The following CFAP65 variants were observed in gnomAD, a reference collection of about 807,000 sequenced individuals.
CFAP65 encodes cilia- and flagella-associated protein 65.
In CFAP65, 155 loss-of-function variants were observed where a neutral mutation model predicts 208.0. The ratio of observed to expected loss-of-function variants is 0.75; its 90% CI spans 0.65 to 0.85. The LOEUF (loss-of-function observed/expected upper bound fraction) is 0.85. Ranked by LOEUF, CFAP65 falls within the 40% of genes least tolerant of loss-of-function variation. The pLI is 0.00. For synonymous variants in CFAP65, 970 were observed against 986.3 expected, an observed-to-expected ratio of 0.98 and a Z score of 0.31; for missense variants, 2,294 against 2,451.3, an observed-to-expected ratio of 0.94 and a Z score of 1.36.
intron 27 of CFAP65, 137 bp downstream of exon 27, chr2:219,009,805 A>T (rs1330838452): frequency 1.1e-5 from 2 of 181,860 alleles, no homozygotes; most frequent in Non-Finnish European, 1.5e-5. Context: ...GTGGGATGGG[A>T]TGGAGTGGGG....
Position 219,019,422 on chromosome 2 carries a change from C to G in CFAP65, c.3473+84G>C, listed in dbSNP as rs924417866. On this transcript the variant is annotated intron_variant, in intron 20 of 34. Transcript: ENST00000341552. ...AGAGATGGGAAACAGCTTCCTTGTT[C>G]TGGGAGTCTGGGCAGAAAGCTCCAT... The G allele has an allele frequency of 1.0e-5, 13 of 1,243,604 alleles. No individual in the cohort carries two copies. In the African/African-American group the frequency reaches 1.8e-4, roughly 17 times the overall value. 77.0% of individuals were successfully genotyped at this position (1,243,604 alleles called of 1,614,324 possible). A position where few individuals can be genotyped will look rare whatever the true frequency, so the allele number is the denominator to read the frequency against.
intron 28 of CFAP65, 92 bp from the exon 29 acceptor site, chr2:219,009,246 T>C: frequency 1.4e-6 from 2 of 1,457,912 alleles, no homozygotes; most frequent in Non-Finnish European, 1.9e-6. Flanking sequence ...GGCTGACTTC[T>C]GCCTTTTGCT....
At chr2:219,009,640 A>ATGGGATGGGG (rs1946299532) in intron 27 of CFAP65, among the ~76,000 whole-genome samples, 180 bp from the exon 28 acceptor site, 1 of 89,898 alleles carries the variant, frequency 1.1e-5, no homozygotes, top group African/African-American at 5.1e-5. Flanking sequence ...ATGGGATGGG[A>ATGGGATGGGG]TGGGATGGGA....
At chr2:219,039,130 G>A (rs1948536597) in intron 2 of CFAP65, 80 bp from the exon 3 acceptor site, 5 of 1,222,500 alleles carry the variant, frequency 4.1e-6, no homozygotes, top group Non-Finnish European at 5.7e-6. Flanking sequence ...GAAATCATAT[G>A]CAAATATATG....
At position 219,005,481 on chromosome 2, in the gene CFAP65, G is replaced by C. The variant is rs745716257; in HGVS notation, c.5004C>G (p.Ser1668=). 6.2e-7 allele frequency: 1 copy of C among 1,613,738 alleles called. No individual in the cohort carries two copies. The highest frequency in any genetic ancestry group is 8.5e-7 in the Non-Finnish European group (1 of 1,179,990). The stretch of plus-strand genomic sequence containing the variant: ...CAACCAGGAGCTGCTTCTTCTGCTT[G>C]GAAACAGGGCCCCACTTGTTAGGGG... ...EKSPNKWGPV[S]KQKKQLLVDI... Residue 1668 remains serine, a synonymous_variant, in exon 32 of 35, where the codon TCC becomes TCG. Coordinates refer to ENST00000341552, the MANE Select transcript of CFAP65 (RefSeq NM_194302.4).
chr2:219,041,364 G>C, intron 1 of CFAP65, 124 bp downstream of exon 1: 2 of 936,580 alleles, frequency 2.1e-6, no homozygotes, highest in Admixed American at 4.0e-5. Flanking sequence ...TCTCTGAAGG[G>C]CATGGAGGGG....
At chr2:219,027,485 C>T in intron 13 of CFAP65, 165 bp downstream of exon 13, 2 of 1,578,550 alleles carry the variant, frequency 1.3e-6, no homozygotes, top group Non-Finnish European at 1.7e-6. Flanking sequence ...AGGCCAGGAG[C>T]TTTGGAGGAG....
chr2:219,040,496 G>A (rs1948600945), intron 2 of CFAP65, 23 bp downstream of exon 2: 1 of 1,256,000 alleles, frequency 8.0e-7, no homozygotes, highest in African/African-American at 1.5e-5. Context: ...CTAGGCACCA[G>A]ACAAGGCAGG....
chr2:219,037,111 G>C (rs1169405825), intron 4 of CFAP65, among the ~76,000 whole-genome samples: 1 of 152,216 alleles, frequency 6.6e-6, no homozygotes, highest in Non-Finnish European at 1.5e-5. Context: ...ATTTACTGTG[G>C]CCGGGTGCAG....
rs1574583253 is a variant in CFAP65, at chr2:219,019,615, T to C, written c.3364A>G (p.Ile1122Val). ...DVSSMGSAEG[I>V]TRKHLWRLFS... ...AGGCGCCACAGGTGCTTCCGGGTGATACCCTCAGCACTGCCCATGGAGCTG... is the reference window on the plus strand; with the variant it reads ...AGGCGCCACAGGTGCTTCCGGGTGACACCCTCAGCACTGCCCATGGAGCTG... The change falls in exon 20 of 35, where the codon ATC (isoleucine) becomes GTC (valine). Residue 1122 changes from isoleucine (I) to valine (V), a missense_variant. Transcript: ENST00000341552. The C allele has an allele frequency of 1.2e-6, 2 of 1,613,798 alleles. No homozygotes were observed. The highest frequency in any genetic ancestry group is 2.7e-5 in the African/African-American group (2 of 75,062).
rs780385602 is a variant in CFAP65 at position 219,032,501 on chromosome 2, G to A, written c.614C>T (p.Thr205Met). The stretch of plus-strand genomic sequence containing the variant: ...CAGAGGCCGGAAGACGATGGGGAGC[G>A]TGAGGGTTATGCCTGGGCTCAGGAA... ...PIFLSPGITL[T>M]LPIVFRPLEA... is the part of the protein sequence containing the mutation. Residue 205 changes from threonine (T) to methionine (M), a missense_variant, in exon 6 of 35, where the codon ACG becomes ATG. Physicochemically the swap from Thr to Met is moderately conservative, Grantham distance 81. Coordinates refer to ENST00000341552, the MANE Select transcript of CFAP65 (RefSeq NM_194302.4). The surrounding 1 kb of genome is among the most constrained non-coding windows in gnomAD (Gnocchi z 5.5). 24 of 1,604,654 alleles carry A rather than the reference G, an allele frequency of 1.5e-5. No homozygotes were observed. Among genetic ancestry groups the A allele is most frequent in the Middle Eastern group, 1.6e-4 (1 of 6,074 alleles).
intron 4 of CFAP65, among the ~76,000 whole-genome samples, chr2:219,037,317 C>T (rs866519852): frequency 9.2e-5 from 14 of 152,266 alleles, no homozygotes; most frequent in African/African-American, 2.2e-4. Context: ...GCTTAAACCC[C>T]GGAGGCGGAG....
At position 219,003,179 on chromosome 2, in the gene CFAP65, G is replaced by A. The variant is rs1945696816; in HGVS notation, c.5649C>T (p.Thr1883=). ...GCAGGGCGATGACGCGTGGCCGCGA[G>A]GTGAGTACCACCTCCCCGCGGCTCG... ...VEASRGEVVL[T]SRPRVIALPP... The change falls in exon 34 of 35, where the codon ACC becomes ACT. Residue 1883 remains threonine, a synonymous_variant. Transcript: ENST00000341552. This position sits in a 1 kb window ranked among gnomAD's most constrained non-coding sequence, Gnocchi z 4.4. 6 of 1,547,358 alleles carry A rather than the reference G, an allele frequency of 3.9e-6. No homozygotes were observed. Among genetic ancestry groups the A allele is most frequent in the Non-Finnish European group, 5.2e-6 (6 of 1,144,996 alleles).
chr2:219,026,809 A>G (rs2106203523), intron 13 of CFAP65: 1 of 986,166 alleles, frequency 1.0e-6, no homozygotes, highest in Non-Finnish European at 1.2e-6. Context: ...GACAGGCTGA[A>G]CCTCAGCAGA....
chr2:219,034,776 C>T (rs190867746), intron 5 of CFAP65: 1 of 152,280 alleles, frequency 6.6e-6, no homozygotes, highest in Non-Finnish European at 1.5e-5. Context: ...CAAAAAGACA[C>T]TCATCCTCAT....
chr2:219,038,866 CA>C (rs755704658), intron 3 of CFAP65, 29 bp downstream of exon 3: 3 of 1,581,862 alleles, frequency 1.9e-6, no homozygotes, highest in Non-Finnish European at 2.6e-6. Flanking sequence ...CAGCAAGCTC[CA>C]GTGGGTGTTA....
intron 5 of CFAP65, 185 bp downstream of exon 5, chr2:219,035,293 CTA>C: frequency 1.3e-6 from 2 of 1,511,852 alleles, no homozygotes; most frequent in Non-Finnish European, 1.8e-6. Flanking sequence ...CATTGGGACA[CTA>C]TACCACAATG....
At position 219,033,320 on chromosome 2, in the gene CFAP65, T is replaced by A. The variant is rs116623980; in HGVS notation, c.543-748A>T. On this transcript the variant is annotated intron_variant, in intron 5 of 34. Coordinates refer to ENST00000341552, the MANE Select transcript of CFAP65 (RefSeq NM_194302.4). ...ATGCTGTCTATACCAAAATTTTTTT[T>A]AAAAAATTAGCCAGGCATGGTGGTG... Among the ~76,000 whole-genome samples, 1,002 of 151,938 alleles carry A rather than the reference T, an allele frequency of 6.6e-3. 11 individuals are homozygous for A. Among genetic ancestry groups the A allele is most frequent in the African/African-American group, 0.021 (865 of 41,440 alleles).
At chr2:219,028,132 G>T in intron 12 of CFAP65, 69 bp downstream of exon 12, 1 of 1,578,078 alleles carries the variant, frequency 6.3e-7, no homozygotes, top group African/African-American at 1.3e-5. Flanking sequence ...GTGCCCATGG[G>T]ACCCTGGGGG....
Sources: allele counts gnomAD v4.1 joint callset (sites outside exome capture counted in the v4.1 genomes callset), GRCh38; gene constraint gnomAD v4.1.1; non-coding constraint Gnocchi (gnomAD v3.1); transcripts MANE v1.5; gene names NCBI Gene and HGNC (gene_info 2026-07-23, HGNC 2026-07-21).